Variants in C21orf58 observed in about 807,000 individuals in gnomAD.
The protein encoded by C21orf58 is chromosome 21 open reading frame 58, also known as uncharacterized protein C21orf58.
Under a neutral mutation model 35.8 loss-of-function variants are expected in C21orf58, and 34 were observed. That is an observed-to-expected ratio of 0.95 (90% confidence interval 0.72 to 1.26). The LOEUF is 1.26. Among genes scored for constraint, C21orf58 ranks in the 50% most tolerant of loss-of-function variants. C21orf58 has a pLI of 0.00. For synonymous variants in C21orf58, 191 were observed against 175.8 expected (o/e 1.09, Z -0.68); for missense variants, 440 against 414.3 (o/e 1.06, Z -0.54).
chr21:46,322,856 G>A lies in C21orf58; in HGVS notation c.-118C>T, dbSNP rs1715102491. On this transcript the variant is annotated 5_prime_UTR_variant, in exon 1 of 8. Transcript: ENST00000291691. Reference sequence around the variant, plus strand: ...GTTGCAGTTGCTGAGGAGGCTGCAAGGTGAGCTTGCGTCAGCGAGGAGCCA... The same window carrying A: ...GTTGCAGTTGCTGAGGAGGCTGCAAAGTGAGCTTGCGTCAGCGAGGAGCCA... 3 of 660,198 alleles carry A rather than the reference G, an allele frequency of 4.5e-6. No individual in the cohort carries two copies. The highest frequency in any genetic ancestry group is 7.1e-6 in the Non-Finnish European group (3 of 423,796). 40.9% of individuals were successfully genotyped at this position (660,198 alleles called of 1,614,324 possible). A position where few individuals can be genotyped will look rare whatever the true frequency, so the allele number is the denominator to read the frequency against.
In C21orf58 at chr21:46,302,477, A is replaced by G. The variant is rs1556337; in HGVS notation, c.813+8T>C. On this transcript the variant is annotated splice_region_variant and intron_variant, in intron 7 of 7. Coordinates refer to ENST00000291691, the MANE Select transcript of C21orf58 (RefSeq NM_058180.5). ...TTGGCCTAGGGTTCTGCTGGGGGCT[A>G]AGCCTACCTGCAGGGCTGGGGGCAG... 1,083,720 of 1,596,832 alleles carry G rather than the reference A, an allele frequency of 0.68. 373,867 individuals carry two copies. The highest frequency in any genetic ancestry group is 0.71 in the Non-Finnish European group (829,311 of 1,168,220).
chr21:46,301,914 C>T lies in C21orf58; in HGVS notation c.*85G>A. The T allele has an allele frequency of 7.2e-7, 1 of 1,383,074 alleles. No homozygotes were observed. Among genetic ancestry groups the T allele is most frequent in the Admixed American group, 3.3e-5 (1 of 30,540 alleles). The allele number at this position is 1,383,074 out of a possible 1,614,324, so 85.7% of individuals were successfully genotyped here. On this transcript the variant is annotated 3_prime_UTR_variant, in exon 8 of 8. Transcript: ENST00000291691. ...GGTGGTGGCAGGGTCTCTCCCTGCT[C>T]CCTTCCATAGTCCCGCCACAGCCCA...
At position 46,315,396 on chromosome 21, in the gene C21orf58, A is replaced by G. The variant is rs1601694548; in HGVS notation, c.444+78T>C. ...GAAAGGTCTTCCCTAATACTCCCCGACCTGGTGCCTTAAGGCTGAGCAGCT... is the reference window on the plus strand; with the variant it reads ...GAAAGGTCTTCCCTAATACTCCCCGGCCTGGTGCCTTAAGGCTGAGCAGCT... On this transcript the variant is annotated intron_variant, in intron 4 of 7. Coordinates refer to ENST00000291691, the MANE Select transcript of C21orf58 (RefSeq NM_058180.5). 3.5e-5 allele frequency: 32 copies of G among 917,532 alleles called. No individual in the cohort carries two copies. In the East Asian group the frequency reaches 7.7e-4, roughly 22 times the overall value. 56.8% of individuals were successfully genotyped at this position (917,532 alleles called of 1,614,324 possible). A position where few individuals can be genotyped will look rare whatever the true frequency, so the allele number is the denominator to read the frequency against.
rs2082152516 is a variant in C21orf58 at position 46,302,489 on chromosome 21, AGGGCTGG to A, written c.802_808del (p.Pro268CysfsTer129). 1.2e-6 allele frequency: 2 copies of A among 1,607,298 alleles called. No homozygotes were observed. The highest frequency in any genetic ancestry group is 1.7e-6 in the Non-Finnish European group (2 of 1,176,086). On this transcript the variant is annotated frameshift_variant, in exon 7 of 8. Coordinates refer to ENST00000291691, the MANE Select transcript of C21orf58 (RefSeq NM_058180.5). LOFTEE classifies it low-confidence loss of function (END_TRUNC). The stretch of plus-strand genomic sequence containing the variant: ...TCTGCTGGGGGCTAAGCCTACCTGC[AGGGCTGG>A]GGGCAGGGCCTTGAGCATCCAGTTC...
chr21:46,319,036 T>C (rs2146114229), intron 1 of C21orf58: 1 of 159,410 alleles, frequency 6.3e-6, no homozygotes, highest in East Asian at 1.9e-4. Context: ...GTGGCCAAAA[T>C]TGCTCTCTTG....
At chr21:46,313,891 C>T (rs552346832) in intron 5 of C21orf58, among the ~76,000 whole-genome samples, 1 of 152,192 alleles carries the variant, frequency 6.6e-6, no homozygotes, top group African/African-American at 2.4e-5. Context: ...ACCTTCCCTG[C>T]ACCCCAGTCA....
chr21:46,305,647 A>G (rs920818995), intron 6 of C21orf58, among the ~76,000 whole-genome samples: 1 of 152,166 alleles, frequency 6.6e-6, no homozygotes, highest in Non-Finnish European at 1.5e-5. Flanking sequence ...AACTTTTAAA[A>G]AAAGAATCTT....
chr21:46,304,708 G>A (rs1401613935), intron 6 of C21orf58, among the ~76,000 whole-genome samples: 1 of 152,108 alleles, frequency 6.6e-6, no homozygotes, highest in Non-Finnish European at 1.5e-5. Context: ...AGACTGTGTG[G>A]CTGTATTTCC....
chr21:46,308,578 G>T lies in C21orf58; in HGVS notation c.721+2878C>A, dbSNP rs113742664. ...AGGCAGGAATGTCCACGACAGCTTTGTTGGCCATAAGCGAAAACAAGAAGC... is the reference window on the plus strand; with the variant it reads ...AGGCAGGAATGTCCACGACAGCTTTTTTGGCCATAAGCGAAAACAAGAAGC... On this transcript the variant is annotated intron_variant, in intron 6 of 7. Coordinates refer to ENST00000291691, the MANE Select transcript of C21orf58 (RefSeq NM_058180.5). Among the ~76,000 whole-genome samples the T allele has an allele frequency of 4.6e-5, 7 of 152,318 alleles. No individual in the cohort carries two copies. In the East Asian group the frequency reaches 1.2e-3, roughly 25 times the overall value.
chr21:46,302,941 G>C (rs1395334530), intron 6 of C21orf58, among the ~76,000 whole-genome samples: 1 of 145,254 alleles, frequency 6.9e-6, no homozygotes, highest in African/African-American at 2.5e-5. Context: ...GGTCCCCGGG[G>C]CGCGCCCTGA....
At chr21:46,302,204 C>T in intron 7 of C21orf58, 50 bp from the exon 8 acceptor site, 1 of 1,434,748 alleles carries the variant, frequency 7.0e-7, no homozygotes, top group Non-Finnish European at 9.1e-7. Context: ...CTGCTCCCCA[C>T]CTCCACTCCC....
At chr21:46,305,301 T>A (rs1225500060) in intron 6 of C21orf58, among the ~76,000 whole-genome samples, 1 of 151,802 alleles carries the variant, frequency 6.6e-6, no homozygotes, top group African/African-American at 2.4e-5. Flanking sequence ...TTACATGGTT[T>A]TTTTTTTTTT....
chr21:46,311,421 C>T, intron 6 of C21orf58, 35 bp downstream of exon 6: 4 of 1,297,008 alleles, frequency 3.1e-6, no homozygotes, highest in Non-Finnish European at 4.3e-6. Flanking sequence ...AGATAATTTC[C>T]TCAACCCACA....
chr21:46,311,028 T>C (rs558806054), intron 6 of C21orf58, among the ~76,000 whole-genome samples: 36 of 151,756 alleles, frequency 2.4e-4, no homozygotes, highest in African/African-American at 8.2e-4. Context: ...TCCATCACCA[T>C]GGTGAGCTGG....
intron 3 of C21orf58, among the ~76,000 whole-genome samples, chr21:46,316,191 C>G (rs1226676654): frequency 6.6e-6 from 1 of 151,892 alleles, no homozygotes; most frequent in Admixed American, 6.6e-5. Flanking sequence ...TGCAGTGAGT[C>G]ACACCTATAA....
intron 5 of C21orf58, among the ~76,000 whole-genome samples, chr21:46,312,477 C>A (rs568121949): frequency 6.6e-6 from 1 of 152,252 alleles, no homozygotes; most frequent in Non-Finnish European, 1.5e-5. Flanking sequence ...TGCCACCACG[C>A]CCGGCTAATT....
intron 7 of C21orf58, 56 bp from the exon 8 acceptor site, chr21:46,302,210 C>G (rs2082135819): frequency 7.0e-7 from 1 of 1,435,296 alleles, no homozygotes. Context: ...CCCACCTCCA[C>G]TCCCGCCCTG....
At chr21:46,305,355 G>C (rs1480171667) in intron 6 of C21orf58, among the ~76,000 whole-genome samples, 1 of 143,304 alleles carries the variant, frequency 7.0e-6, no homozygotes, top group Non-Finnish European at 1.5e-5. Context: ...TTTGAGACAG[G>C]GTCTCACTCT....
intron 6 of C21orf58, among the ~76,000 whole-genome samples, chr21:46,302,914 C>T (rs1188583995): frequency 8.9e-6 from 1 of 112,284 alleles, no homozygotes; most frequent in African/African-American, 3.4e-5. Context: ...GCCCTGAGCC[C>T]GTCTGCACAC....
Sources: allele counts gnomAD v4.1 joint callset (sites outside exome capture counted in the v4.1 genomes callset), GRCh38; gene constraint gnomAD v4.1.1; transcripts MANE v1.5; gene names NCBI Gene and HGNC (gene_info 2026-07-23, HGNC 2026-07-21).